SRPRB: variants seen among roughly 807,000 people sequenced by gnomAD.
The protein encoded by SRPRB is SRP receptor subunit beta.
In SRPRB, 20 loss-of-function variants were observed where a neutral mutation model predicts 31.9. The observed-to-expected ratio is 0.63, with a 90% CI of 0.44 to 0.91. The LOEUF (loss-of-function observed/expected upper bound fraction) is 0.91, where lower values mean the gene tolerates loss of function less well. Among genes scored for constraint, SRPRB ranks in the 40% least tolerant of loss-of-function variants. The probability of loss-of-function intolerance (pLI) is 0.00; values close to 1 mark genes in which losing one functional copy is unlikely to be tolerated. For missense variants in SRPRB, 321 were observed against 324.9 expected (o/e 0.99, Z 0.09); for synonymous variants, 146 against 132.8 (o/e 1.10, Z -0.68).
downstream of SRPRB, chr3:133,826,390 G>C (rs921638960): frequency 2.0e-5 from 3 of 152,204 alleles, no homozygotes; most frequent in Non-Finnish European, 4.4e-5. Context: ...CTGTTTTATG[G>C]GATGTTTTTT....
chr3:133,804,077 C>T (rs1239288368), upstream of SRPRB, among the ~76,000 whole-genome samples: 3 of 108,570 alleles, frequency 2.8e-5, no homozygotes, highest in Non-Finnish European at 5.1e-5. Flanking sequence ...GCCTGGGCAA[C>T]AGAGCGAGAC....
Position 133,807,767 on chromosome 3 carries a change from G to A in SRPRB, c.271G>A (p.Asp91Asn). ...ACAGTTGTTAACAGGCCTTTATAGA[G>A]ACACTCAGACGTCCATTACTGACAG... ...FVRLLTGLYR[D>N]TQTSITDSCA... The change falls in exon 3 of 7, where the codon GAC becomes AAC. Residue 91 changes from aspartate to asparagine, a missense_variant. Transcript: ENST00000678299. 2 of 1,612,572 alleles carry A rather than the reference G, an allele frequency of 1.2e-6. No homozygotes were observed. Among genetic ancestry groups the A allele is most frequent in the Admixed American group, 1.7e-5 (1 of 59,596 alleles).
At chr3:133,822,219 C>T (rs141256354), downstream of SRPRB, among the ~76,000 whole-genome samples, 42 of 152,170 alleles carry the variant, frequency 2.8e-4, no homozygotes, top group Middle Eastern at 3.4e-3. Flanking sequence ...GCTTGAAACA[C>T]CTTGGGAACA....
upstream of SRPRB, among the ~76,000 whole-genome samples, chr3:133,804,150 C>T (rs1935108727): frequency 6.7e-6 from 1 of 149,610 alleles, no homozygotes; most frequent in African/African-American, 2.5e-5. Context: ...GAGACAGAGT[C>T]TCACTATGTT....
At chr3:133,815,842 G>T (rs1295591136) in intron 5 of SRPRB, 116 bp downstream of exon 5, 2 of 1,254,274 alleles carry the variant, frequency 1.6e-6, no homozygotes, top group Non-Finnish European at 1.1e-6. Context: ...TTGCTGTAAA[G>T]AACTATAAAT....
chr3:133,785,008 C>A, intron 1 of SRPRB: 1 of 78,680 alleles, frequency 1.3e-5, no homozygotes, highest in East Asian at 6.6e-4. Context: ...GGGGGTCAGC[C>A]CCCCGCCCGG....
chr3:133,820,003 C>T lies in SRPRB; in HGVS notation c.*237C>T. 2.1e-6 allele frequency: 1 copy of T among 486,672 alleles called. No individual in the cohort carries two copies. Among genetic ancestry groups the T allele is most frequent in the Non-Finnish European group, 3.7e-6 (1 of 268,824 alleles). The allele number at this position is 486,672 out of a possible 1,614,324, so 30.1% of individuals were successfully genotyped here. On this transcript the variant is annotated 3_prime_UTR_variant, in exon 7 of 7. Transcript: ENST00000678299. ...CCTTTTATCTGATGCCTGTATCTTC[C>T]CTTTGTTAAGGTGTAACTTGATGTA...
intron 6 of SRPRB, among the ~76,000 whole-genome samples, chr3:133,817,369 A>T (rs1935385558): frequency 6.6e-6 from 1 of 152,238 alleles, no homozygotes. Flanking sequence ...AAAAGAAATT[A>T]AAACATTTAA....
At chr3:133,815,911 C>T (rs892032414) in intron 5 of SRPRB, among the ~76,000 whole-genome samples, 185 bp downstream of exon 5, 1 of 152,100 alleles carries the variant, frequency 6.6e-6, no homozygotes, top group South Asian at 2.1e-4. Context: ...AGTCTTCTAA[C>T]CAGAAGACCA....
chr3:133,818,784 C>CTG (rs1559893592), intron 6 of SRPRB, among the ~76,000 whole-genome samples: 2 of 85,108 alleles, frequency 2.3e-5, no homozygotes, highest in Non-Finnish European at 4.9e-5. Context: ...AATACTTTTA[C>CTG]AGTGTGTGTG....
intron 6 of SRPRB, among the ~76,000 whole-genome samples, chr3:133,818,197 A>G (rs1251109015): frequency 2.0e-5 from 3 of 152,204 alleles, no homozygotes; most frequent in Non-Finnish European, 4.4e-5. Context: ...ATTGTTGGGA[A>G]TTGTTTTGGG....
intron 5 of SRPRB, 70 bp from the exon 6 acceptor site, chr3:133,816,808 C>A (rs1181009303): frequency 3.2e-6 from 4 of 1,238,734 alleles, no homozygotes. Flanking sequence ...AATTTTCCTT[C>A]TGTGTAAGAA....
downstream of SRPRB, among the ~76,000 whole-genome samples, chr3:133,822,956 C>T (rs1369993072): frequency 6.6e-6 from 1 of 152,214 alleles, no homozygotes; most frequent in Non-Finnish European, 1.5e-5. Context: ...GTAAAGGCCA[C>T]GCCTTGCAGC....
Position 133,819,954 on chromosome 3 carries a change from T to C in SRPRB, c.*188T>C, listed in dbSNP as rs924077940. On this transcript the variant is annotated 3_prime_UTR_variant, in exon 7 of 7. Coordinates refer to ENST00000678299, the MANE Select transcript of SRPRB (RefSeq NM_001379313.1). ...TTTTTTTTTTAAGTTCAGTTCTCCC[T>C]TATGGCTGCCTTTCAAACAAGTACC... The C allele has an allele frequency of 6.9e-6, 4 of 577,906 alleles. No individual in the cohort carries two copies. In the East Asian group the frequency reaches 1.2e-4, roughly 17 times the overall value. 35.8% of individuals were successfully genotyped at this position (577,906 alleles called of 1,614,324 possible). A position where few individuals can be genotyped will look rare whatever the true frequency, so the allele number is the denominator to read the frequency against.
intron 2 of SRPRB, 89 bp from the exon 3 acceptor site, chr3:133,807,657 A>G: frequency 1.1e-6 from 1 of 878,698 alleles, no homozygotes; most frequent in Admixed American, 2.1e-5. Flanking sequence ...CATTTACTTA[A>G]CCTTACACCT....
In SRPRB at chr3:133,819,564, G is replaced by C; in HGVS notation, c.614G>C (p.Arg205Pro). Residue 205 changes from arginine (R) to proline (P), a missense_variant, in exon 7 of 7, where the codon CGA (arginine) becomes CCA (proline). Physicochemically the swap from Arg to Pro is moderately radical, Grantham distance 103. Coordinates refer to ENST00000678299, the MANE Select transcript of SRPRB (RefSeq NM_001379313.1). ...QQLEKELNTL[R>P]VTRSAAPSTL... The stretch of plus-strand genomic sequence containing the variant: ...CTTTTGCCCCACAGCAACACCTTAC[G>C]AGTTACCCGTTCTGCTGCCCCCAGC... 6.2e-7 allele frequency: 1 copy of C among 1,613,612 alleles called. No homozygotes were observed. Among genetic ancestry groups the C allele is most frequent in the Non-Finnish European group, 8.5e-7 (1 of 1,179,632 alleles).
At chr3:133,818,762 T>C (rs538869253) in intron 6 of SRPRB, among the ~76,000 whole-genome samples, 1 of 151,580 alleles carries the variant, frequency 6.6e-6, no homozygotes, top group Admixed American at 6.6e-5. Flanking sequence ...CAGTTTTGTA[T>C]TGTTTTTTAA....
chr3:133,823,113 G>A (rs148778453), downstream of SRPRB, among the ~76,000 whole-genome samples: 2 of 152,286 alleles, frequency 1.3e-5, no homozygotes, highest in East Asian at 1.9e-4. Context: ...ACTCCTAAGC[G>A]CTGTGTGGGC....
rs200933274 is a variant in SRPRB, at chr3:133,807,868, T to C, written c.327+45T>C. ...TTGGAGTCTGACAGTCTTACTTTACTGTGGTGTGTCAGTTAAGGACATTTT... is the reference window on the plus strand; with the variant it reads ...TTGGAGTCTGACAGTCTTACTTTACCGTGGTGTGTCAGTTAAGGACATTTT... On this transcript the variant is annotated intron_variant, in intron 3 of 6. Transcript: ENST00000678299. The C allele has an allele frequency of 3.7e-5, 54 of 1,467,976 alleles. No individual in the cohort carries two copies. In the African/African-American group the frequency reaches 6.5e-4, roughly 18 times the overall value. 90.9% of individuals were successfully genotyped at this position (1,467,976 alleles called of 1,614,324 possible). A position where few individuals can be genotyped will look rare whatever the true frequency, so the allele number is the denominator to read the frequency against.
Sources: allele counts gnomAD v4.1 joint callset (sites outside exome capture counted in the v4.1 genomes callset), GRCh38; gene constraint gnomAD v4.1.1; transcripts MANE v1.5; gene names NCBI Gene and HGNC (gene_info 2026-07-23, HGNC 2026-07-21).